CACNA2D4: variants seen among roughly 807,000 people sequenced by gnomAD.
The protein encoded by CACNA2D4 is voltage-dependent calcium channel subunit alpha-2/delta-4.
CACNA2D4 carries 157 observed loss-of-function variants against 163.8 expected under a neutral mutation model. The observed-to-expected ratio is 0.96, with a 90% CI of 0.84 to 1.09. CACNA2D4 has a LOEUF of 1.09. CACNA2D4 is among the 50% of genes least tolerant of loss of function. CACNA2D4 has a pLI of 0.00. For missense variants in CACNA2D4, 1,410 were observed against 1,479.9 expected, an observed-to-expected ratio of 0.95 and a Z score of 0.78; for synonymous variants, 598 against 586.9, an observed-to-expected ratio of 1.02 and a Z score of -0.27.
intron 24 of CACNA2D4, among the ~76,000 whole-genome samples, chr12:1,845,913 C>T (rs1044415556): frequency 8.5e-5 from 13 of 152,216 alleles, no homozygotes; most frequent in African/African-American, 3.1e-4. Context: ...CACAGTGTGA[C>T]AACCAAAAGT....
chr12:1,860,751 A>G (rs7962150), intron 18 of CACNA2D4, among the ~76,000 whole-genome samples: 134,964 of 152,174 alleles, frequency 0.89, 59,942 homozygotes, highest in Admixed American at 0.91. Context: ...ACTGTCATCC[A>G]TGCCCGGGCC....
intron 26 of CACNA2D4, chr12:1,830,931 C>A: frequency 6.3e-7 from 1 of 1,591,084 alleles, no homozygotes; most frequent in Non-Finnish European, 8.6e-7. Context: ...TCCCTCCCAC[C>A]AAGGGATCAC....
intron 26 of CACNA2D4, among the ~76,000 whole-genome samples, chr12:1,813,102 C>G (rs947114434): frequency 3.3e-5 from 5 of 152,308 alleles, no homozygotes; most frequent in African/African-American, 1.2e-4. Context: ...TTCGTCTCCT[C>G]AGCTGCAAGA....
intron 23 of CACNA2D4, among the ~76,000 whole-genome samples, 200 bp from the exon 24 acceptor site, chr12:1,846,889 G>C (rs904825802): frequency 6.6e-6 from 1 of 152,232 alleles, no homozygotes; most frequent in South Asian, 2.1e-4. Context: ...TTCAGGCCCG[G>C]CTTCCGGGCA....
intron 6 of CACNA2D4, among the ~76,000 whole-genome samples, chr12:1,898,880 TA>T (rs1224142547): frequency 6.6e-6 from 1 of 152,162 alleles, no homozygotes; most frequent in African/African-American, 2.4e-5. Flanking sequence ...ATAGAATAGT[TA>T]AATTCATAGA....
Position 1,799,483 on chromosome 12 carries a change from C to T in CACNA2D4, c.2995+192G>A, listed in dbSNP as rs908194525. Reference sequence around the variant, plus strand: ...TTTCTCATTTTCCCTGGGGCCTGACCGTCCTCATGTGGGATGAGAACTGGG... The same window carrying T: ...TTTCTCATTTTCCCTGGGGCCTGACTGTCCTCATGTGGGATGAGAACTGGG... On this transcript the variant is annotated intron_variant, in intron 34 of 37. Coordinates refer to ENST00000382722, the MANE Select transcript of CACNA2D4 (RefSeq NM_172364.5). The surrounding 1 kb of genome is among the most constrained non-coding windows in gnomAD (Gnocchi z 4.7). Among the ~76,000 whole-genome samples the T allele has an allele frequency of 7.9e-5, 12 of 152,164 alleles. No individual in the cohort carries two copies. Among genetic ancestry groups the T allele is most frequent in the African/African-American group, 2.7e-4 (11 of 41,436 alleles).
rs746161740 is a variant in CACNA2D4, at chr12:1,801,128, A to G, written c.2793-10T>C. On this transcript the variant is annotated splice_polypyrimidine_tract_variant and intron_variant, in intron 30 of 37. Coordinates refer to ENST00000382722, the MANE Select transcript of CACNA2D4 (RefSeq NM_172364.5). ...GTCATACATAGTCACTCTGAAAATC[A>G]GAAGCGGGCTGTGATGAGTCCAAAG... is the stretch of plus-strand genomic sequence containing the variant. 1.9e-6 allele frequency: 3 copies of G among 1,613,628 alleles called. No homozygotes were observed. The Admixed American group carries it at 5.0e-5, about 27-fold the overall frequency.
rs1866698044 is a variant in CACNA2D4 at position 1,907,770 on chromosome 12, CCAGCCTGGTGAG to C, written c.649+93_649+104del. On this transcript the variant is annotated intron_variant, in intron 5 of 37. Transcript: ENST00000382722. ...GTGTCTGGTGGGTGTGTCTGGTGGGCCAGCCTGGTGAGTATGCCTGGTGGGTGTGCCTGGTGG... is the reference window on the plus strand; with the variant it reads ...GTGTCTGGTGGGTGTGTCTGGTGGGCTATGCCTGGTGGGTGTGCCTGGTGG... 3.1e-6 allele frequency: 4 copies of C among 1,287,250 alleles called. 1 individual carries two copies. Among genetic ancestry groups the C allele is most frequent in the African/African-American group, 1.7e-5 (1 of 60,426 alleles). 79.7% of individuals were successfully genotyped at this position (1,287,250 alleles called of 1,614,324 possible).
intron 27 of CACNA2D4, among the ~76,000 whole-genome samples, 189 bp from the exon 28 acceptor site, chr12:1,810,776 C>G (rs1042035699): frequency 1.3e-5 from 2 of 151,752 alleles, no homozygotes; most frequent in African/African-American, 4.8e-5. Context: ...GTGGAGAGCA[C>G]GTGTGTGAGG....
In CACNA2D4 at chr12:1,884,892, AAG is replaced by A; in HGVS notation, c.1159-13_1159-12del. On this transcript the variant is annotated splice_polypyrimidine_tract_variant and intron_variant, in intron 10 of 37. Coordinates refer to ENST00000382722, the MANE Select transcript of CACNA2D4 (RefSeq NM_172364.5). ...CTTGGCCTCTTGGAACTGTGTAGGG[AAG>A]AGGAGTGCCCATGACCACAGGCCAA... 1 of 1,611,360 alleles carries A rather than the reference AAG, an allele frequency of 6.2e-7. No homozygotes were observed. Among genetic ancestry groups the A allele is most frequent in the Non-Finnish European group, 8.5e-7 (1 of 1,177,634 alleles).
chr12:1,887,577 A>T (rs1866178460), intron 6 of CACNA2D4, among the ~76,000 whole-genome samples: 1 of 152,234 alleles, frequency 6.6e-6, no homozygotes, highest in South Asian at 2.1e-4. Flanking sequence ...AGAACCCAGC[A>T]GAGTATATGC....
rs769511570 is a variant in CACNA2D4 at position 1,834,568 on chromosome 12, C to T, written c.2551+6171G>A. Reference sequence around the variant, plus strand: ...TCATTGCAGGGGTCGTGTGCGGCGTCGTCTGCATCATGATGGTGGTGGCCG... The same window carrying T: ...TCATTGCAGGGGTCGTGTGCGGCGTTGTCTGCATCATGATGGTGGTGGCCG... On this transcript the variant is annotated intron_variant, in intron 26 of 37. Coordinates refer to ENST00000382722, the MANE Select transcript of CACNA2D4 (RefSeq NM_172364.5). The surrounding 1 kb of genome is among the most constrained non-coding windows in gnomAD (Gnocchi z 7.6). 1.6e-5 allele frequency: 26 copies of T among 1,601,552 alleles called. No homozygotes were observed. The East Asian group carries it at 1.8e-4, about 11-fold the overall frequency.
Position 1,810,533 on chromosome 12 carries a change from C to A in CACNA2D4, c.2658+10G>T. ...CCCTCCTCCACCTTCCTCACACGGGCAGAACTTACACTGTCCTCGCAGCTC... is the reference window on the plus strand; with the variant it reads ...CCCTCCTCCACCTTCCTCACACGGGAAGAACTTACACTGTCCTCGCAGCTC... On this transcript the variant is annotated intron_variant, in intron 28 of 37. Coordinates refer to ENST00000382722, the MANE Select transcript of CACNA2D4 (RefSeq NM_172364.5). 6.4e-7 allele frequency: 1 copy of A among 1,553,020 alleles called. No homozygotes were observed.
chr12:1,888,119 G>GAGATCTGGGGGTACTTGGAGA (rs1866195409), intron 6 of CACNA2D4, among the ~76,000 whole-genome samples: 3 of 152,180 alleles, frequency 2.0e-5, no homozygotes, highest in African/African-American at 7.2e-5. Context: ...AGTACCACTG[G>GAGATCTGGGGGTACTTGGAGA]TCTGACCTAG....
Position 1,887,049 on chromosome 12 carries a change from C to T in CACNA2D4, c.802G>A (p.Glu268Lys). Residue 268 changes from glutamate to lysine, a missense_variant, in exon 7 of 38, where the codon GAG becomes AAG. Physicochemically the swap from Glu to Lys is moderately conservative, Grantham distance 56. Coordinates refer to ENST00000382722, the MANE Select transcript of CACNA2D4 (RefSeq NM_172364.5). ...CAGTCAAAAGTAATGACTCCATTCTCATCAGGTGTCCATTTTATACCTGGG... is the reference window on the plus strand; with the variant it reads ...CAGTCAAAAGTAATGACTCCATTCTTATCAGGTGTCCATTTTATACCTGGG... The part of the protein sequence containing the change: ...IYPGIKWTPD[E>K]NGVITFDCRN... 1 of 1,593,134 alleles carries T rather than the reference C, an allele frequency of 6.3e-7. No individual in the cohort carries two copies. The highest frequency in any genetic ancestry group is 8.6e-7 in the Non-Finnish European group (1 of 1,167,738).
chr12:1,907,164 ACTTTT>A (rs2154452037), intron 6 of CACNA2D4, among the ~76,000 whole-genome samples: 1 of 152,362 alleles, frequency 6.6e-6, no homozygotes, highest in East Asian at 1.9e-4. Context: ...CTTCCAAAGT[ACTTTT>A]CATGGGACAG....
rs1263176017 is a variant in CACNA2D4 at position 1,834,914 on chromosome 12, G to A, written c.2551+5825C>T. 4.7e-6 allele frequency: 5 copies of A among 1,063,686 alleles called. No individual in the cohort carries two copies. The highest frequency in any genetic ancestry group is 6.5e-6 in the Non-Finnish European group (5 of 766,912). 65.9% of individuals were successfully genotyped at this position (1,063,686 alleles called of 1,614,324 possible). ...CTCCCTGAAAGCCACCGTGCTGGGG[G>A]CTCCTGCTGATGCTCCTGTCTGGGC... On this transcript the variant is annotated intron_variant, in intron 26 of 37. Coordinates refer to ENST00000382722, the MANE Select transcript of CACNA2D4 (RefSeq NM_172364.5). The surrounding 1 kb of genome is among the most constrained non-coding windows in gnomAD (Gnocchi z 7.6).
chr12:1,865,399 C>A (rs144849337), intron 18 of CACNA2D4, among the ~76,000 whole-genome samples: 7 of 152,338 alleles, frequency 4.6e-5, no homozygotes, highest in African/African-American at 1.7e-4. Flanking sequence ...TGTCACGTGT[C>A]GCACTTCTTG....
chr12:1,877,966 C>A (rs1458972032), intron 16 of CACNA2D4, among the ~76,000 whole-genome samples: 1 of 152,216 alleles, frequency 6.6e-6, no homozygotes, highest in African/African-American at 2.4e-5. Flanking sequence ...CCTGCCATTT[C>A]CATGCTTAGC....
Sources: gnomAD v4.1 joint callset for allele counts (sites outside exome capture counted in the v4.1 genomes callset) on GRCh38, gnomAD v4.1.1 for gene constraint, Gnocchi (gnomAD v3.1) non-coding constraint, MANE v1.5 for transcripts, NCBI Gene and HGNC (gene_info 2026-07-23, HGNC 2026-07-21) for gene names.